The following ASPH variants were observed in gnomAD, a reference collection of about 807,000 sequenced individuals.
ASPH encodes the protein aspartyl/asparaginyl beta-hydroxylase.
In ASPH, 100 loss-of-function variants were observed where a neutral mutation model predicts 118.4. The observed-to-expected ratio is 0.84, with a 90% CI of 0.72 to 1.00. ASPH has a LOEUF of 1.00. Ranked by LOEUF, ASPH falls within the 50% of genes least tolerant of loss-of-function variation. ASPH has a pLI of 0.00. For missense variants in ASPH, 920 were observed against 919.5 expected, an observed-to-expected ratio of 1.00 and a Z score of -0.01; for synonymous variants, 315 against 325.6, an observed-to-expected ratio of 0.97 and a Z score of 0.35.
rs1804865214 is a variant in ASPH at position 61,501,244 on chromosome 8, A to ATTTT, written c.*2111_*2114dup. 6.6e-6 allele frequency: 1 copy of ATTTT among 152,172 alleles called. No individual in the cohort carries two copies. The highest frequency in any genetic ancestry group is 2.4e-5 in the African/African-American group (1 of 41,454). The allele number at this position is 152,172 out of a possible 1,614,324, so 9.4% of individuals were successfully genotyped here. On this transcript the variant is annotated 3_prime_UTR_variant, in exon 25 of 25. Coordinates refer to ENST00000379454, the MANE Select transcript of ASPH (RefSeq NM_004318.4). The stretch of plus-strand genomic sequence containing the variant: ...AGAATTGAAGTGAATTAGAAAATCC[A>ATTTT]TTTTATTGCTTGGGTTTAAAATAGT...
At chr8:61,510,496 A>C (rs945157917) in intron 24 of ASPH, among the ~76,000 whole-genome samples, 1 of 152,232 alleles carries the variant, frequency 6.6e-6, no homozygotes, top group Non-Finnish European at 1.5e-5. Flanking sequence ...AAACCACCAC[A>C]CATCATTTAC....
chr8:61,665,458 C>T (rs1819087468), intron 3 of ASPH: 2 of 1,578,790 alleles, frequency 1.3e-6, no homozygotes, highest in African/African-American at 1.4e-5. Context: ...CCTTAGGAGA[C>T]TCCTTCCTGG....
chr8:61,578,079 C>T, intron 15 of ASPH: 1 of 938,492 alleles, frequency 1.1e-6, no homozygotes, highest in South Asian at 1.8e-5. Flanking sequence ...AAATCAGTTA[C>T]TTCTAAGATA....
intron 1 of ASPH, among the ~76,000 whole-genome samples, chr8:61,706,404 C>CAAAAAAAAAAAAAA (rs55731088): frequency 4.3e-5 from 3 of 70,560 alleles, no homozygotes; most frequent in Admixed American, 2.0e-4. Flanking sequence ...GGTCATGACT[C>CAAAAAAAAAAAAAA]AAAAAAAAAA....
At chr8:61,691,051 T>C (rs1250165194) in intron 1 of ASPH, among the ~76,000 whole-genome samples, 1 of 152,198 alleles carries the variant, frequency 6.6e-6, no homozygotes, top group African/African-American at 2.4e-5. Context: ...TTAACCTTAC[T>C]ACTATTGATA....
intron 6 of ASPH, among the ~76,000 whole-genome samples, chr8:61,645,637 T>C (rs1445930450): frequency 2.0e-5 from 3 of 152,324 alleles, no homozygotes; most frequent in East Asian, 3.9e-4. Context: ...ATAAATCATA[T>C]AGATGTTCAA....
At chr8:61,609,758 T>C (rs921509238) in intron 14 of ASPH, among the ~76,000 whole-genome samples, 1 of 152,158 alleles carries the variant, frequency 6.6e-6, no homozygotes, top group Admixed American at 6.5e-5. Context: ...AAAAGTGCTA[T>C]GGGGAAGAGG....
At position 61,553,056 on chromosome 8, in the gene ASPH, G is replaced by T. The variant is rs776459864; in HGVS notation, c.1601C>A (p.Ala534Asp). ...DGRFYFHLGD[A>D]MQRVGNKEAY... ...CTCTTTGTTCCCAACCCTCTGCATG[G>T]CATCCCCCAGGTGGAAATAAAATCT... Residue 534 changes from alanine to aspartate, a missense_variant, in exon 20 of 25, where the codon GCC becomes GAC. Ala to Asp is a moderately radical substitution (Grantham distance 126). Coordinates refer to ENST00000379454, the MANE Select transcript of ASPH (RefSeq NM_004318.4). 6 of 1,613,402 alleles carry T rather than the reference G, an allele frequency of 3.7e-6. No individual in the cohort carries two copies. The Admixed American group carries it at 1.0e-4, about 27-fold the overall frequency.
chr8:61,562,546 G>A (rs1830367852), intron 18 of ASPH, among the ~76,000 whole-genome samples, 198 bp downstream of exon 18: 1 of 152,014 alleles, frequency 6.6e-6, no homozygotes, highest in African/African-American at 2.4e-5. Flanking sequence ...AATGTACTAA[G>A]TGTTAACTAA....
At chr8:61,675,636 A>G (rs891406526) in intron 3 of ASPH, 2 of 979,954 alleles carry the variant, frequency 2.0e-6, no homozygotes, top group African/African-American at 3.5e-5. Context: ...AGAAGCATTT[A>G]ACTTAAAAAT....
At chr8:61,578,264 T>A in intron 15 of ASPH, 1 of 1,585,352 alleles carries the variant, frequency 6.3e-7, no homozygotes, top group Non-Finnish European at 8.6e-7. Flanking sequence ...TGTCCACCTC[T>A]GGCCCCCGGG....
intron 13 of ASPH, chr8:61,625,024 C>T (rs990467577): frequency 1.0e-6 from 1 of 985,328 alleles, no homozygotes; most frequent in African/African-American, 1.7e-5. Context: ...TGATTTTAAT[C>T]CTAAAAGCAG....
chr8:61,642,526 T>C (rs1274948322), intron 10 of ASPH, among the ~76,000 whole-genome samples: 2 of 152,226 alleles, frequency 1.3e-5, no homozygotes, highest in Non-Finnish European at 2.9e-5. Context: ...CATCTTGTAG[T>C]CAAACTATAG....
chr8:61,503,130 G>T lies in ASPH; in HGVS notation c.*229C>A, dbSNP rs1805211145. On this transcript the variant is annotated 3_prime_UTR_variant, in exon 25 of 25. Transcript: ENST00000379454. Reference sequence around the variant, plus strand: ...ATGTTCACCTTAAATACTGGCAGAAGACCAGTGCTGTCATGAGATGACACA... The same window carrying T: ...ATGTTCACCTTAAATACTGGCAGAATACCAGTGCTGTCATGAGATGACACA... 2 of 380,760 alleles carry T rather than the reference G, an allele frequency of 5.3e-6. No homozygotes were observed. The highest frequency in any genetic ancestry group is 8.0e-5 in the East Asian group (2 of 24,948). 23.6% of individuals were successfully genotyped at this position (380,760 alleles called of 1,614,324 possible). A position where few individuals can be genotyped will look rare whatever the true frequency, so the allele number is the denominator to read the frequency against.
At chr8:61,505,895 A>T (rs1441808159) in intron 24 of ASPH, among the ~76,000 whole-genome samples, 1 of 152,228 alleles carries the variant, frequency 6.6e-6, no homozygotes. Context: ...TTCCACAGTT[A>T]GGCAGGCATT....
At chr8:61,607,495 A>C (rs994791288) in intron 14 of ASPH, among the ~76,000 whole-genome samples, 6 of 152,204 alleles carry the variant, frequency 3.9e-5, no homozygotes, top group African/African-American at 1.4e-4. Flanking sequence ...TTCGCAACAT[A>C]AAGTGCTATA....
chr8:61,638,158 A>T, intron 11 of ASPH, 155 bp from the exon 12 acceptor site: 1 of 1,146,472 alleles, frequency 8.7e-7, no homozygotes, highest in Non-Finnish European at 1.2e-6. Context: ...CAGAGTATTT[A>T]TATTAGAATA....
At chr8:61,518,963 CAG>C (rs1178015791) in intron 22 of ASPH, among the ~76,000 whole-genome samples, 1 of 152,148 alleles carries the variant, frequency 6.6e-6, no homozygotes, top group Non-Finnish European at 1.5e-5. Flanking sequence ...TGCAATTTAC[CAG>C]AGAGAGGAAC....
At chr8:61,632,554 C>T in intron 13 of ASPH, 1 of 291,472 alleles carries the variant, frequency 3.4e-6, no homozygotes, top group Admixed American at 4.2e-5. Context: ...GTATTTTAAA[C>T]ACAAATACAC....
Sources: gnomAD v4.1 joint callset for allele counts (sites outside exome capture counted in the v4.1 genomes callset) on GRCh38, gnomAD v4.1.1 for gene constraint, MANE v1.5 for transcripts, NCBI Gene and HGNC (gene_info 2026-07-23, HGNC 2026-07-21) for gene names.